USP34: variants seen among roughly 807,000 people sequenced by gnomAD.
USP34 encodes ubiquitin specific peptidase 34.
USP34 carries 70 observed loss-of-function variants against 460.3 expected under a neutral mutation model. The ratio of observed to expected loss-of-function variants is 0.15; its 90% CI spans 0.13 to 0.19. The LOEUF is 0.19. USP34 is among the 10% of genes least tolerant of loss of function. The probability of loss-of-function intolerance (pLI) is 1.00; values close to 1 mark genes in which losing one functional copy is unlikely to be tolerated. For missense variants in USP34, 3,985 were observed against 4,236.2 expected (o/e 0.94, Z 1.65); for synonymous variants, 1,647 against 1,405.3 (o/e 1.17, Z -3.85).
intron 78 of USP34, 143 bp from the exon 79 acceptor site, chr2:61,189,212 A>C: frequency 1.2e-6 from 1 of 845,714 alleles, no homozygotes; most frequent in Non-Finnish European, 1.8e-6. Flanking sequence ...TCTTAGAATG[A>C]TAAAACCAGA....
intron 10 of USP34, among the ~76,000 whole-genome samples, chr2:61,355,196 G>T (rs1316385775): frequency 6.6e-6 from 1 of 152,056 alleles, no homozygotes; most frequent in Non-Finnish European, 1.5e-5. Context: ...TTTGAGTAGG[G>T]TACAAGATGA....
chr2:61,397,116 C>G (rs1244327668), intron 3 of USP34, among the ~76,000 whole-genome samples: 1 of 152,072 alleles, frequency 6.6e-6, no homozygotes, highest in Non-Finnish European at 1.5e-5. Flanking sequence ...AAAGGCCTTT[C>G]AAAGTCTGTA....
chr2:61,460,848 T>C (rs1423116324), intron 1 of USP34, among the ~76,000 whole-genome samples: 2 of 151,920 alleles, frequency 1.3e-5, no homozygotes, highest in East Asian at 3.9e-4. Context: ...CTGGGCATAG[T>C]GACGCACGCC....
intron 10 of USP34, among the ~76,000 whole-genome samples, chr2:61,367,934 T>C (rs1289042354): frequency 1.3e-5 from 2 of 152,050 alleles, no homozygotes; most frequent in Non-Finnish European, 2.9e-5. Context: ...ATAACAATAA[T>C]GAGGAAGGAC....
At chr2:61,210,369 TTC>T (rs1434617394) in intron 69 of USP34, among the ~76,000 whole-genome samples, 3 of 152,226 alleles carry the variant, frequency 2.0e-5, no homozygotes, top group Admixed American at 6.5e-5. Flanking sequence ...ATACTTACCT[TTC>T]TGTTATAATT....
intron 20 of USP34, among the ~76,000 whole-genome samples, chr2:61,329,747 T>C (rs1172310944): frequency 6.6e-6 from 1 of 152,256 alleles, no homozygotes; most frequent in Non-Finnish European, 1.5e-5. Flanking sequence ...AATTTGTAGA[T>C]AACCTATGTG....
chr2:61,320,840 T>C (rs72813533), intron 21 of USP34, among the ~76,000 whole-genome samples: 22,256 of 151,992 alleles, frequency 0.15, 2,193 homozygotes, highest in South Asian at 0.37. Flanking sequence ...TGAAACCCCG[T>C]CTCTACTAAA....
At chr2:61,390,204 T>A (rs1434466950) in intron 5 of USP34, among the ~76,000 whole-genome samples, 1 of 152,238 alleles carries the variant, frequency 6.6e-6, no homozygotes, top group Non-Finnish European at 1.5e-5. Context: ...TTCTACTCCA[T>A]AATAAAATAA....
intron 33 of USP34, 27 bp downstream of exon 33, chr2:61,293,437 T>A (rs1366987437): frequency 1.3e-6 from 2 of 1,564,796 alleles, no homozygotes; most frequent in East Asian, 4.5e-5. Flanking sequence ...CTACTGTAAC[T>A]AGTTGAAACC....
At chr2:61,402,172 C>G (rs778144675) in intron 3 of USP34, among the ~76,000 whole-genome samples, 82 of 152,164 alleles carry the variant, frequency 5.4e-4, no homozygotes, top group East Asian at 1.2e-3. Flanking sequence ...CCAAGCTACT[C>G]AGGAGGCTGA....
intron 1 of USP34, among the ~76,000 whole-genome samples, chr2:61,453,245 T>C (rs559162759): frequency 6.6e-6 from 1 of 152,022 alleles, no homozygotes; most frequent in African/African-American, 2.4e-5. Context: ...ACCCCATCTG[T>C]ACTAAAAATA....
At chr2:61,295,523 A>G (rs1361126403) in intron 30 of USP34, among the ~76,000 whole-genome samples, 3 of 152,214 alleles carry the variant, frequency 2.0e-5, no homozygotes, top group Non-Finnish European at 4.4e-5. Flanking sequence ...AAACAGCAGC[A>G]TGGGAAAATA....
rs1193846944 is a variant in USP34 at position 61,281,242 on chromosome 2, T to C, written c.4999A>G (p.Thr1667Ala). Reference protein sequence around the residue: ...LKKLTLLIPETAVRHESCSGL... With the variant: ...LKKLTLLIPEAAVRHESCSGL... ...CTGCATGATTCATGACGAACTGCAG[T>C]CTAGATGAAAAAGAAAGTTCCACAA... Residue 1667 changes from threonine to alanine, a missense_variant and splice_region_variant, in exon 38 of 80, where the codon ACT (threonine) becomes GCT (alanine). This residue lies in a region of USP34 where 1,114 missense variants were observed against 1,122.5 expected (regional missense o/e 0.99). Coordinates refer to ENST00000398571, the MANE Select transcript of USP34 (RefSeq NM_014709.4). The C allele has an allele frequency of 2.5e-6, 4 of 1,606,330 alleles. No homozygotes were observed. Among genetic ancestry groups the C allele is most frequent in the Admixed American group, 1.7e-5 (1 of 57,628 alleles).
In USP34 at chr2:61,354,206, C is replaced by T. The variant is rs569594561; in HGVS notation, c.1252-3513G>A. Reference sequence around the variant, plus strand: ...ACTCAAAAAGACCCCTATCGATACACAATGCAATCAGAATGTAGGAAGCCA... The same window carrying T: ...ACTCAAAAAGACCCCTATCGATACATAATGCAATCAGAATGTAGGAAGCCA... On this transcript the variant is annotated intron_variant, in intron 10 of 79. Transcript: ENST00000398571. Among the ~76,000 whole-genome samples the T allele has an allele frequency of 2.6e-5, 4 of 152,240 alleles. No individual in the cohort carries two copies. The South Asian group carries it at 8.3e-4, about 32-fold the overall frequency.
chr2:61,252,024 A>G lies in USP34; in HGVS notation c.6222-3341T>C, dbSNP rs117492810. The stretch of plus-strand genomic sequence containing the variant: ...TTTTCCATTCTGAAAAGATTTTCCT[A>G]TGTCGAGATAAGAAAAATAAAATGT... On this transcript the variant is annotated intron_variant, in intron 48 of 79. Coordinates refer to ENST00000398571, the MANE Select transcript of USP34 (RefSeq NM_014709.4). Among the ~76,000 whole-genome samples the G allele has an allele frequency of 4.8e-4, 73 of 152,032 alleles. 1 individual carries two copies. The East Asian group carries it at 0.012, about 25-fold the overall frequency.
chr2:61,382,976 G>A (rs1271764443), intron 6 of USP34, among the ~76,000 whole-genome samples: 1 of 152,066 alleles, frequency 6.6e-6, no homozygotes, highest in South Asian at 2.1e-4. Flanking sequence ...TGCCTAGAAC[G>A]TAACAGACAC....
intron 57 of USP34, among the ~76,000 whole-genome samples, chr2:61,233,937 T>C (rs1687990966): frequency 6.6e-6 from 1 of 152,202 alleles, no homozygotes. Flanking sequence ...TGAAGTTTTC[T>C]TATGTTAGAA....
intron 20 of USP34, among the ~76,000 whole-genome samples, chr2:61,325,937 T>A (rs1691073903): frequency 6.6e-6 from 1 of 152,220 alleles, no homozygotes; most frequent in South Asian, 2.1e-4. Flanking sequence ...TATTTTTGAA[T>A]GTTATTTCCA....
chr2:61,252,389 T>TAGCAGC (rs3980947), intron 48 of USP34, among the ~76,000 whole-genome samples: 1 of 151,690 alleles, frequency 6.6e-6, no homozygotes, highest in South Asian at 2.1e-4. Flanking sequence ...ACAGTAACAA[T>TAGCAGC]AGCAGCAGCA....
Sources: gnomAD v4.1 joint callset for allele counts (sites outside exome capture counted in the v4.1 genomes callset) on GRCh38, gnomAD v4.1.1 for gene constraint, gnomAD v4.1.1 regional missense constraint, MANE v1.5 for transcripts, NCBI Gene and HGNC (gene_info 2026-07-23, HGNC 2026-07-21) for gene names.